RABGAP1L: variants seen among roughly 807,000 people sequenced by gnomAD.
RABGAP1L encodes rab GTPase-activating protein 1-like.
A neutral mutation model predicts 137.7 loss-of-function variants in RABGAP1L; 63 were observed. The ratio of observed to expected loss-of-function variants is 0.46; its 90% CI spans 0.37 to 0.56. The LOEUF is 0.56. Among genes scored for constraint, RABGAP1L ranks in the 20% least tolerant of loss-of-function variants. RABGAP1L has a pLI of 0.00. For missense variants in RABGAP1L, 1,095 were observed against 1,244.0 expected (o/e 0.88, Z 1.80); for synonymous variants, 431 against 433.7 (o/e 0.99, Z 0.08).
chr1:174,227,346 G>T (rs1670269819), intron 3 of RABGAP1L, among the ~76,000 whole-genome samples: 1 of 151,650 alleles, frequency 6.6e-6, no homozygotes, highest in Non-Finnish European at 1.5e-5. Flanking sequence ...GACTACAGGT[G>T]CATGCCACCA....
intron 19 of RABGAP1L, chr1:174,874,329 C>G: frequency 3.8e-6 from 1 of 264,004 alleles, no homozygotes; most frequent in Non-Finnish European, 5.9e-6. Context: ...ATGTGGAAAC[C>G]AGGAATCTAT....
intron 13 of RABGAP1L, among the ~76,000 whole-genome samples, chr1:174,427,063 G>C (rs1652036652): frequency 6.6e-6 from 1 of 151,908 alleles, no homozygotes; most frequent in African/African-American, 2.4e-5. Flanking sequence ...GGAGATGTTA[G>C]TGTTAGATTA....
At chr1:174,338,987 T>C (rs1054075303) in intron 11 of RABGAP1L, among the ~76,000 whole-genome samples, 2 of 152,150 alleles carry the variant, frequency 1.3e-5, no homozygotes, top group African/African-American at 4.8e-5. Flanking sequence ...TGTGAATAGA[T>C]TTAAGTATGT....
At chr1:174,901,528 G>GTCA (rs1658140509) in intron 19 of RABGAP1L, among the ~76,000 whole-genome samples, 2 of 152,146 alleles carry the variant, frequency 1.3e-5, no homozygotes, top group Admixed American at 1.3e-4. Context: ...CTCCACCTGA[G>GTCA]CCCTCCCATG....
intron 19 of RABGAP1L, among the ~76,000 whole-genome samples, chr1:174,912,508 C>T (rs1660208969): frequency 6.6e-6 from 1 of 152,142 alleles, no homozygotes; most frequent in Non-Finnish European, 1.5e-5. Context: ...TGTCTTATGA[C>T]TTAAAAAGCA....
chr1:174,451,720 G>C (rs984766992), intron 13 of RABGAP1L, among the ~76,000 whole-genome samples: 1 of 151,748 alleles, frequency 6.6e-6, no homozygotes, highest in East Asian at 1.9e-4. Context: ...TTTTCTCATC[G>C]TAAGTCTTTT....
At chr1:174,312,395 T>C (rs975350251) in intron 11 of RABGAP1L, among the ~76,000 whole-genome samples, 7 of 152,204 alleles carry the variant, frequency 4.6e-5, no homozygotes, top group Admixed American at 1.3e-4. Flanking sequence ...GTCTTTTTTT[T>C]TCTTGAGAAA....
chr1:174,632,959 G>A (rs562480180), intron 13 of RABGAP1L, among the ~76,000 whole-genome samples: 1 of 152,194 alleles, frequency 6.6e-6, no homozygotes, highest in African/African-American at 2.4e-5. Context: ...TTTGGAGGAG[G>A]AGAGGCGCTC....
intron 17 of RABGAP1L, among the ~76,000 whole-genome samples, chr1:174,740,790 G>A (rs932539109): frequency 1.3e-5 from 2 of 151,700 alleles, no homozygotes; most frequent in African/African-American, 4.8e-5. Flanking sequence ...ATCTCATTGT[G>A]GTTTTGATTT....
chr1:174,283,508 T>G (rs1376372025), intron 10 of RABGAP1L, among the ~76,000 whole-genome samples: 2 of 151,704 alleles, frequency 1.3e-5, no homozygotes, highest in Non-Finnish European at 2.9e-5. Flanking sequence ...TTTTTTTGTT[T>G]GTTTGTTTGT....
intron 5 of RABGAP1L, among the ~76,000 whole-genome samples, chr1:174,244,027 A>T (rs1448164448): frequency 6.6e-6 from 1 of 152,198 alleles, no homozygotes; most frequent in Admixed American, 6.5e-5. Context: ...TTTGCAGAAG[A>T]TGTCCAACAT....
At chr1:174,519,915 A>G (rs1663217848) in intron 13 of RABGAP1L, among the ~76,000 whole-genome samples, 1 of 152,248 alleles carries the variant, frequency 6.6e-6, no homozygotes, top group South Asian at 2.1e-4. Context: ...TGTGGTGAAT[A>G]TCAAAACAGC....
intron 19 of RABGAP1L, among the ~76,000 whole-genome samples, chr1:174,884,799 A>G (rs551807269): frequency 2.6e-5 from 4 of 152,166 alleles, no homozygotes; most frequent in Non-Finnish European, 5.9e-5. Context: ...CTTGACATCT[A>G]CTTTATTTCT....
intron 19 of RABGAP1L, among the ~76,000 whole-genome samples, chr1:174,855,698 G>C (rs996250226): frequency 6.6e-6 from 1 of 152,168 alleles, no homozygotes; most frequent in Non-Finnish European, 1.5e-5. Context: ...CCTGTTTAAA[G>C]CAGGTTTTTG....
At chr1:174,702,320 A>C in intron 17 of RABGAP1L, 64 bp downstream of exon 17, 1 of 1,392,574 alleles carries the variant, frequency 7.2e-7, no homozygotes, top group Non-Finnish European at 9.6e-7. Context: ...AAATGGTTAC[A>C]GTTTTCTTCC....
chr1:174,301,135 AG>A (rs1253926565), intron 10 of RABGAP1L, among the ~76,000 whole-genome samples: 1 of 152,062 alleles, frequency 6.6e-6, no homozygotes, highest in East Asian at 2.0e-4. Context: ...GGTGTGAGCA[AG>A]CAAGTGTGGG....
chr1:174,663,184 C>T (rs1012442477), intron 14 of RABGAP1L, among the ~76,000 whole-genome samples: 3 of 152,200 alleles, frequency 2.0e-5, no homozygotes, highest in Non-Finnish European at 4.4e-5. Context: ...CCCAGAGCAA[C>T]TTCCAGTCCT....
At position 174,992,741 on chromosome 1, in the gene RABGAP1L, ACTGT is replaced by A. The variant is rs1212977599; in HGVS notation, c.*2743_*2746del. 1 of 152,300 alleles carries A rather than the reference ACTGT, an allele frequency of 6.6e-6. No individual in the cohort carries two copies. Among genetic ancestry groups the A allele is most frequent in the African/African-American group, 2.4e-5 (1 of 41,572 alleles). The allele number at this position is 152,300 out of a possible 1,614,324, so 9.4% of individuals were successfully genotyped here. On this transcript the variant is annotated 3_prime_UTR_variant, in exon 26 of 26. Transcript: ENST00000681986. Reference sequence around the variant, plus strand: ...CAATATTCCAAACAATATGTCCTTCACTGTCTATTGTTGGAAAACTCATGCATCC... The same window carrying A: ...CAATATTCCAAACAATATGTCCTTCACTATTGTTGGAAAACTCATGCATCC...
intron 11 of RABGAP1L, among the ~76,000 whole-genome samples, chr1:174,353,549 A>G (rs963012461): frequency 3.3e-5 from 5 of 152,192 alleles, no homozygotes; most frequent in Admixed American, 1.3e-4. Context: ...CAAGTTTATA[A>G]GGACCCAGAG....
Sources: allele counts gnomAD v4.1 joint callset (sites outside exome capture counted in the v4.1 genomes callset), GRCh38; gene constraint gnomAD v4.1.1; transcripts MANE v1.5; gene names NCBI Gene and HGNC (gene_info 2026-07-23, HGNC 2026-07-21).